The following MBD5 variants were observed in gnomAD, a reference collection of about 807,000 sequenced individuals.
MBD5 encodes methyl-CpG binding domain protein 5.
MBD5 carries 13 observed loss-of-function variants against 117.3 expected under a neutral mutation model. That is an observed-to-expected ratio of 0.11 (90% CI 0.07 to 0.18). MBD5 has a LOEUF of 0.18. MBD5 is among the 10% of genes least tolerant of loss of function. The probability of loss-of-function intolerance (pLI) is 1.00; values close to 1 mark genes in which losing one functional copy is unlikely to be tolerated. For missense variants in MBD5, 1,879 were observed against 2,093.8 expected (o/e 0.90, Z 2.00); for synonymous variants, 727 against 766.4 (o/e 0.95, Z 0.85).
chr2:148,081,025 G>A (rs1695635409), intron 1 of MBD5, among the ~76,000 whole-genome samples: 1 of 152,058 alleles, frequency 6.6e-6, no homozygotes, highest in Non-Finnish European at 1.5e-5. Context: ...TGTTTCAACG[G>A]CACTTATATT....
In MBD5 at chr2:148,509,721, C is replaced by G. The variant is rs189554032; in HGVS notation, c.5037-339C>G. Among the ~76,000 whole-genome samples the G allele has an allele frequency of 2.4e-3, 369 of 152,316 alleles. 7 individuals are homozygous for G. The highest frequency in any genetic ancestry group is 8.1e-3 in the African/African-American group (335 of 41,564). On this transcript the variant is annotated intron_variant, in intron 12 of 13. Coordinates refer to ENST00000642680, the MANE Select transcript of MBD5 (RefSeq NM_001378120.1). Reference sequence around the variant, plus strand: ...GAAACAAGAAGCAACACAGGGCCGGCTGGAGCCAGGGAGCATGAGGGGCGT... The same window carrying G: ...GAAACAAGAAGCAACACAGGGCCGGGTGGAGCCAGGGAGCATGAGGGGCGT...
chr2:148,425,512 G>A (rs1027134075), intron 4 of MBD5, among the ~76,000 whole-genome samples: 2 of 152,016 alleles, frequency 1.3e-5, no homozygotes, highest in African/African-American at 4.8e-5. Context: ...TAGAAAAAGA[G>A]GGAATCCTCC....
intron 4 of MBD5, among the ~76,000 whole-genome samples, chr2:148,381,882 A>C (rs931667255): frequency 3.9e-5 from 6 of 152,170 alleles, no homozygotes; most frequent in Admixed American, 3.3e-4. Context: ...AAGGAGAAAT[A>C]AAATCCTTTA....
At chr2:148,127,715 C>A (rs1489579653) in intron 1 of MBD5, among the ~76,000 whole-genome samples, 1 of 152,092 alleles carries the variant, frequency 6.6e-6, no homozygotes, top group Non-Finnish European at 1.5e-5. Flanking sequence ...ATCTTTATAA[C>A]AGAATGATTT....
intron 1 of MBD5, among the ~76,000 whole-genome samples, chr2:148,095,523 G>T (rs889167021): frequency 6.6e-6 from 1 of 152,052 alleles, no homozygotes; most frequent in African/African-American, 2.4e-5. Flanking sequence ...GTAATATAGG[G>T]TGTATTTTGA....
intron 1 of MBD5, among the ~76,000 whole-genome samples, chr2:148,047,310 A>G (rs150958271): frequency 1.6e-3 from 251 of 152,318 alleles, no homozygotes; most frequent in African/African-American, 5.6e-3. Flanking sequence ...TCAAGCCATA[A>G]CTAAGACCAT....
intron 2 of MBD5, among the ~76,000 whole-genome samples, chr2:148,218,519 G>C (rs1699609853): frequency 1.3e-5 from 2 of 152,192 alleles, no homozygotes; most frequent in African/African-American, 4.8e-5. Context: ...TTCTACCACA[G>C]GGGATGATAC....
At chr2:148,419,453 C>G (rs1418244388) in intron 4 of MBD5, among the ~76,000 whole-genome samples, 1 of 152,112 alleles carries the variant, frequency 6.6e-6, no homozygotes, top group Non-Finnish European at 1.5e-5. Context: ...GAATGCATTT[C>G]TGTGAATTTT....
chr2:148,158,921 A>T (rs1021456493), intron 1 of MBD5, among the ~76,000 whole-genome samples: 1 of 152,144 alleles, frequency 6.6e-6, no homozygotes, highest in Non-Finnish European at 1.5e-5. Context: ...ACGGGGTTTC[A>T]TCGTGTTAGC....
chr2:148,480,719 A>C (rs1463272331), intron 8 of MBD5, among the ~76,000 whole-genome samples: 3 of 152,158 alleles, frequency 2.0e-5, no homozygotes, highest in Non-Finnish European at 4.4e-5. Context: ...AATCTGAATT[A>C]GTATTTAAAG....
In MBD5 at chr2:148,513,740, G is replaced by C. The variant is rs923581019; in HGVS notation, c.*799G>C. 3 of 152,060 alleles carry C rather than the reference G, an allele frequency of 2.0e-5. No homozygotes were observed. The highest frequency in any genetic ancestry group is 7.2e-5 in the African/African-American group (3 of 41,412). 9.4% of individuals were successfully genotyped at this position (152,060 alleles called of 1,614,324 possible). A position where few individuals can be genotyped will look rare whatever the true frequency, so the allele number is the denominator to read the frequency against. On this transcript the variant is annotated 3_prime_UTR_variant, in exon 14 of 14. Coordinates refer to ENST00000642680, the MANE Select transcript of MBD5 (RefSeq NM_001378120.1). ...TTTTTTTTACCTAAGTTTTAAAATA[G>C]AATAGGTTTTATAAAAAAAAATCTT... is the stretch of plus-strand genomic sequence containing the variant.
chr2:148,032,876 T>C (rs1694079401), intron 1 of MBD5, among the ~76,000 whole-genome samples: 1 of 152,136 alleles, frequency 6.6e-6, no homozygotes, highest in South Asian at 2.1e-4. Flanking sequence ...GTCATAAATA[T>C]AACCAGGTAG....
intron 2 of MBD5, among the ~76,000 whole-genome samples, chr2:148,226,483 G>A (rs1013109968): frequency 1.3e-5 from 2 of 152,138 alleles, no homozygotes; most frequent in African/African-American, 2.4e-5. Context: ...TGGTGTATAT[G>A]TGCCACATTT....
chr2:148,357,012 T>C (rs1703397965), intron 4 of MBD5, among the ~76,000 whole-genome samples: 1 of 152,182 alleles, frequency 6.6e-6, no homozygotes, highest in African/African-American at 2.4e-5. Context: ...TATTTTATAC[T>C]CACAAGTTAT....
intron 1 of MBD5, among the ~76,000 whole-genome samples, chr2:148,150,472 G>A (rs939139500): frequency 6.6e-6 from 1 of 152,184 alleles, no homozygotes; most frequent in African/African-American, 2.4e-5. Context: ...TTCCAATTCT[G>A]TGAAGAAAGT....
At chr2:148,033,035 TG>T (rs1694086111) in intron 1 of MBD5, among the ~76,000 whole-genome samples, 1 of 152,120 alleles carries the variant, frequency 6.6e-6, no homozygotes, top group Non-Finnish European at 1.5e-5. Flanking sequence ...TTCTAACAAA[TG>T]ATGGTGAGGG....
At chr2:148,343,935 G>A (rs1703017008) in intron 4 of MBD5, among the ~76,000 whole-genome samples, 2 of 152,098 alleles carry the variant, frequency 1.3e-5, no homozygotes, top group South Asian at 4.1e-4. Context: ...CATTCTTATA[G>A]TTTGAGTTCT....
chr2:148,238,377 A>G (rs1302468683), intron 3 of MBD5, among the ~76,000 whole-genome samples: 1 of 152,212 alleles, frequency 6.6e-6, no homozygotes, highest in Non-Finnish European at 1.5e-5. Flanking sequence ...TAAAATTTTA[A>G]CTGAAGTCAA....
chr2:148,317,098 C>G (rs1250295268), intron 3 of MBD5, among the ~76,000 whole-genome samples: 1 of 152,178 alleles, frequency 6.6e-6, no homozygotes, highest in Non-Finnish European at 1.5e-5. Flanking sequence ...CCTGTAATCC[C>G]AGCACTTTGG....
Sources: gnomAD v4.1 joint callset for allele counts (sites outside exome capture counted in the v4.1 genomes callset) on GRCh38, gnomAD v4.1.1 for gene constraint, MANE v1.5 for transcripts, NCBI Gene and HGNC (gene_info 2026-07-23, HGNC 2026-07-21) for gene names.